The following SYNE1 variants were observed in gnomAD, a reference collection of about 807,000 sequenced individuals.
SYNE1 encodes the protein spectrin repeat containing nuclear envelope protein 1, also known as nesprin-1.
SYNE1 carries 616 observed loss-of-function variants against 1,111.0 expected under a neutral mutation model. That is an observed-to-expected ratio of 0.55 (90% CI 0.52 to 0.59). The LOEUF (loss-of-function observed/expected upper bound fraction) is 0.59, where lower values mean the gene tolerates loss of function less well. Among genes scored for constraint, SYNE1 ranks in the 20% least tolerant of loss-of-function variants. The pLI, the probability that SYNE1 is intolerant of heterozygous loss-of-function variation, is 0.00. For synonymous variants in SYNE1, 3,855 were observed against 3,825.8 expected (o/e 1.01, Z -0.28); for missense variants, 10,006 against 10,417.0 (o/e 0.96, Z 1.72).
intron 40 of SYNE1, among the ~76,000 whole-genome samples, chr6:152,417,495 CTCAA>C (rs1018913538): frequency 7.6e-6 from 1 of 132,250 alleles, no homozygotes; most frequent in African/African-American, 3.0e-5. Flanking sequence ...AAAACTCCGT[CTCAA>C]ACAAACAAAC....
chr6:152,140,444 G>A (rs919723386), intron 139 of SYNE1, among the ~76,000 whole-genome samples: 2 of 152,134 alleles, frequency 1.3e-5, no homozygotes, highest in African/African-American at 2.4e-5. Context: ...GAGCACGAAC[G>A]ATCGTTCAAT....
At chr6:152,348,413 G>A (rs929800310) in intron 72 of SYNE1, among the ~76,000 whole-genome samples, 4 of 152,164 alleles carry the variant, frequency 2.6e-5, no homozygotes, top group Admixed American at 6.5e-5. Context: ...GGCCAGACGC[G>A]GTGGCTCACG....
intron 115 of SYNE1, among the ~76,000 whole-genome samples, chr6:152,227,614 T>G (rs2081894950): frequency 6.6e-6 from 1 of 152,168 alleles, no homozygotes; most frequent in Non-Finnish European, 1.5e-5. Flanking sequence ...AACTTTTCTA[T>G]TTCTGTAAAG....
chr6:152,164,118 A>G, intron 131 of SYNE1, 45 bp downstream of exon 131: 1 of 1,611,992 alleles, frequency 6.2e-7, no homozygotes, highest in African/African-American at 1.3e-5. Flanking sequence ...CCAGGAGGAC[A>G]GATATTCCAT....
intron 104 of SYNE1, among the ~76,000 whole-genome samples, chr6:152,253,421 T>C (rs900489040): frequency 1.3e-5 from 2 of 152,184 alleles, no homozygotes; most frequent in Non-Finnish European, 2.9e-5. Flanking sequence ...ACTCATTTCA[T>C]CCTCACCACA....
chr6:152,338,411 C>T (rs558328859), intron 75 of SYNE1, among the ~76,000 whole-genome samples: 1 of 151,974 alleles, frequency 6.6e-6, no homozygotes, highest in Non-Finnish European at 1.5e-5. Flanking sequence ...TGCTTGAGCC[C>T]AGGAGTTCGA....
At chr6:152,372,332 T>C (rs1435457895) in intron 59 of SYNE1, among the ~76,000 whole-genome samples, 1 of 152,240 alleles carries the variant, frequency 6.6e-6, no homozygotes, top group East Asian at 1.9e-4. Context: ...TTTCTCTTAC[T>C]GAATATTATT....
Position 152,151,987 on chromosome 6 carries a change from C to A in SYNE1, c.24284G>T (p.Arg8095Leu). Reference sequence around the variant, plus strand: ...GAGTCTGCGCAAGATGGAGGTGACACGCTTTTGCAGGTTGTCCCATCTCTG... The same window carrying A: ...GAGTCTGCGCAAGATGGAGGTGACAAGCTTTTGCAGGTTGTCCCATCTCTG... ...GNQRWDNLQKRVTSILRRLKH... is the reference protein window; with the variant it reads ...GNQRWDNLQKLVTSILRRLKH... The change falls in exon 134 of 146, where the codon CGT (arginine) becomes CTT (leucine). Residue 8095 changes from arginine to leucine, a missense_variant. By Grantham distance (102) the Arg-to-Leu change is moderately radical. Around this residue, in one of 7 missense-constraint regions of SYNE1, gnomAD observed 2,182 missense variants for 2,287.8 expected, o/e 0.95. Coordinates refer to ENST00000367255, the MANE Select transcript of SYNE1 (RefSeq NM_182961.4). 3.1e-6 allele frequency: 5 copies of A among 1,614,172 alleles called. No individual in the cohort carries two copies. Among genetic ancestry groups the A allele is most frequent in the Non-Finnish European group, 4.2e-6 (5 of 1,180,022 alleles).
At chr6:152,279,271 A>C (rs2093865859) in intron 97 of SYNE1, among the ~76,000 whole-genome samples, 1 of 150,930 alleles carries the variant, frequency 6.6e-6, no homozygotes, top group African/African-American at 2.4e-5. Context: ...AGACTAAAAA[A>C]AAAAACAAAA....
At chr6:152,490,004 C>A (rs2098961869) in intron 11 of SYNE1, among the ~76,000 whole-genome samples, 2 of 152,046 alleles carry the variant, frequency 1.3e-5, no homozygotes, top group Non-Finnish European at 2.9e-5. Context: ...CTAATATTCA[C>A]CCAAATGCAT....
intron 90 of SYNE1, 49 bp downstream of exon 90, chr6:152,309,786 C>T: frequency 6.2e-7 from 1 of 1,607,748 alleles, no homozygotes; most frequent in Non-Finnish European, 8.5e-7. Flanking sequence ...GAAAAGAAGC[C>T]CATGATTCAT....
intron 3 of SYNE1, among the ~76,000 whole-genome samples, chr6:152,617,936 T>G (rs566077312): frequency 6.6e-6 from 1 of 152,200 alleles, no homozygotes; most frequent in African/African-American, 2.4e-5. Context: ...AACACCATAG[T>G]TTATAGAGGC....
intron 45 of SYNE1, among the ~76,000 whole-genome samples, chr6:152,406,512 C>T (rs1038291795): frequency 6.6e-6 from 1 of 151,342 alleles, no homozygotes; most frequent in Non-Finnish European, 1.5e-5. Flanking sequence ...TTATTCATAA[C>T]CTGTTCAAAT....
chr6:152,509,994 A>G (rs762789276), intron 8 of SYNE1, among the ~76,000 whole-genome samples, 199 bp downstream of exon 8: 34 of 152,282 alleles, frequency 2.2e-4, no homozygotes, highest in Non-Finnish European at 3.5e-4. Flanking sequence ...GAAAAAATTA[A>G]TTTTTTAAGA....
intron 61 of SYNE1, chr6:152,368,260 A>G (rs1048686030): frequency 2.6e-5 from 4 of 152,588 alleles, no homozygotes; most frequent in South Asian, 4.1e-4. Flanking sequence ...TATAAGCCAC[A>G]TAAAGCTCAA....
At chr6:152,289,653 G>T (rs1295507587) in intron 95 of SYNE1, among the ~76,000 whole-genome samples, 1 of 152,082 alleles carries the variant, frequency 6.6e-6, no homozygotes, top group Non-Finnish European at 1.5e-5. Context: ...TTGAGACGGA[G>T]TCTCGCTCTG....
At position 152,293,677 on chromosome 6, in the gene SYNE1, T is replaced by C. The variant is rs2094719458; in HGVS notation, c.17923A>G (p.Ile5975Val). 1 of 1,614,164 alleles carries C rather than the reference T, an allele frequency of 6.2e-7. No individual in the cohort carries two copies. Among genetic ancestry groups the C allele is most frequent in the African/African-American group, 1.3e-5 (1 of 75,058 alleles). ...TCAATGGCCTCCATCTTCGTAGAGA[T>C]GGACTGGAGGGAGTCCTGGTACTTC... ...QQKYQDSLQS[I>V]STKMEAIELK... The change falls in exon 95 of 146, where the codon ATC becomes GTC. Residue 5975 changes from isoleucine to valine, a missense_variant. Ile to Val is a conservative substitution (Grantham distance 29). Coordinates refer to ENST00000367255, the MANE Select transcript of SYNE1 (RefSeq NM_182961.4).
chr6:152,501,040 G>C (rs888907397), intron 10 of SYNE1, among the ~76,000 whole-genome samples: 14 of 151,808 alleles, frequency 9.2e-5, no homozygotes, highest in Non-Finnish European at 1.8e-4. Context: ...GAAAACTCCA[G>C]TTGAGACCTG....
Position 152,396,790 on chromosome 6 carries a change from GCA to G in SYNE1, c.7539_7540del (p.Ala2514PhefsTer7). On this transcript the variant is annotated frameshift_variant, in exon 50 of 146. Coordinates refer to ENST00000367255, the MANE Select transcript of SYNE1 (RefSeq NM_182961.4). LOFTEE classifies it high-confidence loss of function. ...ACTAACCTACCTTCCAAGTTCTGAA[GCA>G]CAGTCTTGAAGAGCCTGCTTATCTT... 1 of 1,614,086 alleles carries G rather than the reference GCA, an allele frequency of 6.2e-7. No homozygotes were observed. The highest frequency in any genetic ancestry group is 8.5e-7 in the Non-Finnish European group (1 of 1,179,974).
Sources: allele counts gnomAD v4.1 joint callset (sites outside exome capture counted in the v4.1 genomes callset), GRCh38; gene constraint gnomAD v4.1.1; regional missense constraint gnomAD v4.1.1; transcripts MANE v1.5; gene names NCBI Gene and HGNC (gene_info 2026-07-23, HGNC 2026-07-21).